The following FRYL variants were observed in gnomAD, a reference collection of about 807,000 sequenced individuals.
The protein encoded by FRYL is protein furry homolog-like.
In FRYL, 150 loss-of-function variants were observed where a neutral mutation model predicts 351.2. That is an observed-to-expected ratio of 0.43 (90% confidence interval 0.37 to 0.49). FRYL has a LOEUF of 0.49. Among genes scored for constraint, FRYL ranks in the 20% least tolerant of loss-of-function variants. The probability of loss-of-function intolerance (pLI) is 0.00; values close to 1 mark genes in which losing one functional copy is unlikely to be tolerated. For synonymous variants in FRYL, 1,153 were observed against 1,257.1 expected (o/e 0.92, Z 1.75); for missense variants, 3,036 against 3,619.3 (o/e 0.84, Z 4.13).
intron 8 of FRYL, 123 bp from the exon 9 acceptor site, chr4:48,609,190 G>T: frequency 1.6e-6 from 1 of 637,040 alleles, no homozygotes; most frequent in South Asian, 2.0e-5. Context: ...TCATTTATAT[G>T]ATAAAAGCAA....
chr4:48,702,273 T>A (rs1370582235), intron 2 of FRYL, among the ~76,000 whole-genome samples: 2 of 147,596 alleles, frequency 1.4e-5, no homozygotes, highest in South Asian at 4.3e-4. Flanking sequence ...CTGGCCAACA[T>A]GGTGAAACCC....
chr4:48,689,601 T>C (rs1323247079), intron 2 of FRYL, among the ~76,000 whole-genome samples: 1 of 152,152 alleles, frequency 6.6e-6, no homozygotes, highest in East Asian at 1.9e-4. Flanking sequence ...TCGACAAATA[T>C]TTATTAAGCA....
intron 26 of FRYL, chr4:48,571,795 C>G (rs1293845392): frequency 6.1e-6 from 6 of 980,752 alleles, no homozygotes; most frequent in Non-Finnish European, 7.3e-6. Context: ...TTTGGTTGGC[C>G]TGTTTTCATT....
intron 1 of FRYL, among the ~76,000 whole-genome samples, chr4:48,757,741 A>C (rs1441713004): frequency 2.6e-5 from 4 of 151,918 alleles, no homozygotes; most frequent in African/African-American, 9.7e-5. Context: ...AAAAAACTAA[A>C]GTTCATATGG....
chr4:48,724,370 C>A lies in FRYL; in HGVS notation c.-383-13672G>T, dbSNP rs144539570. 4.5e-4 allele frequency among the ~76,000 whole-genome samples: 69 copies of A among 152,242 alleles called. 1 individual carries two copies. In the East Asian group the frequency reaches 0.012, roughly 26 times the overall value. On this transcript the variant is annotated intron_variant, in intron 1 of 63. Transcript: ENST00000358350. ...CTTGCTAACCCCTCTGCCTGGAAAGCTTTTCCCCTGGGCATGGCTTGCTCC... is the reference window on the plus strand; with the variant it reads ...CTTGCTAACCCCTCTGCCTGGAAAGATTTTCCCCTGGGCATGGCTTGCTCC...
Position 48,535,708 on chromosome 4 carries a change from C to A in FRYL, c.6513G>T (p.Leu2171=). 6.2e-7 allele frequency: 1 copy of A among 1,606,600 alleles called. No homozygotes were observed. The highest frequency in any genetic ancestry group is 8.5e-7 in the Non-Finnish European group (1 of 1,176,324). Residue 2171 remains leucine (L), a synonymous_variant, in exon 48 of 64, where the codon CTG becomes CTT. Coordinates refer to ENST00000358350, the MANE Select transcript of FRYL (RefSeq NM_015030.2). ...SNWINVVCRY[L]HDSFSDTTFN... The stretch of plus-strand genomic sequence containing the variant: ...ATGTTGTATCTGAGAAGGAGTCATG[C>A]AGGTATCTGCACACGACATTGATCC...
intron 11 of FRYL, among the ~76,000 whole-genome samples, chr4:48,604,495 T>G (rs911758136): frequency 6.6e-6 from 1 of 152,108 alleles, no homozygotes; most frequent in South Asian, 2.1e-4. Flanking sequence ...AAGGGGAAAT[T>G]TGGACACAGA....
intron 1 of FRYL, among the ~76,000 whole-genome samples, chr4:48,728,911 G>A (rs1302322870): frequency 6.6e-6 from 1 of 152,228 alleles, no homozygotes; most frequent in Non-Finnish European, 1.5e-5. Flanking sequence ...CCGAAGCAGG[G>A]CAGGTCGTCA....
chr4:48,619,641 A>T (rs1750252042), intron 6 of FRYL, among the ~76,000 whole-genome samples: 1 of 152,064 alleles, frequency 6.6e-6, no homozygotes. Flanking sequence ...AAGTAGCTAG[A>T]CTACAGGCAA....
chr4:48,648,738 TAC>T (rs1757048154), intron 3 of FRYL, among the ~76,000 whole-genome samples: 1 of 152,198 alleles, frequency 6.6e-6, no homozygotes, highest in Non-Finnish European at 1.5e-5. Flanking sequence ...ACCTTGGAAA[TAC>T]AGTTAAATGT....
chr4:48,521,296 A>C, intron 54 of FRYL, 81 bp from the exon 55 acceptor site: 3 of 1,032,618 alleles, frequency 2.9e-6, no homozygotes, highest in Non-Finnish European at 4.2e-6. Context: ...AAAATATTTT[A>C]GGGGCTTCGT....
chr4:48,585,423 TG>T (rs1741903527), intron 19 of FRYL, among the ~76,000 whole-genome samples: 1 of 152,220 alleles, frequency 6.6e-6, no homozygotes, highest in Non-Finnish European at 1.5e-5. Context: ...AAAGGATTGC[TG>T]GAACAGTCTT....
intron 3 of FRYL, among the ~76,000 whole-genome samples, chr4:48,671,867 A>AAAAAC (rs1762782865): frequency 7.9e-6 from 1 of 126,930 alleles, no homozygotes; most frequent in Non-Finnish European, 1.7e-5. Flanking sequence ...ACAAAAAAAA[A>AAAAAC]AAAAACAAAA....
chr4:48,655,685 T>G (rs913599827), intron 3 of FRYL, among the ~76,000 whole-genome samples: 1 of 147,132 alleles, frequency 6.8e-6, no homozygotes, highest in Non-Finnish European at 1.5e-5. Flanking sequence ...TATTATATAA[T>G]GTATATATTA....
chr4:48,625,613 T>A (rs1164931675), intron 4 of FRYL, among the ~76,000 whole-genome samples: 1 of 152,196 alleles, frequency 6.6e-6, no homozygotes, highest in East Asian at 1.9e-4. Context: ...TGATTTAAAG[T>A]ATACAGGAGG....
intron 4 of FRYL, among the ~76,000 whole-genome samples, chr4:48,626,948 C>T (rs569672472): frequency 1.5e-4 from 23 of 152,188 alleles, no homozygotes; most frequent in African/African-American, 5.1e-4. Context: ...ATTTGGGGAA[C>T]GTCTTTAGTA....
chr4:48,607,518 AT>A (rs1231511740), intron 9 of FRYL, among the ~76,000 whole-genome samples: 1 of 152,098 alleles, frequency 6.6e-6, no homozygotes, highest in Admixed American at 6.6e-5. Context: ...GAATCCAAGG[AT>A]TTTTTCCTTT....
At chr4:48,673,294 T>C (rs1763012847) in intron 3 of FRYL, among the ~76,000 whole-genome samples, 1 of 152,242 alleles carries the variant, frequency 6.6e-6, no homozygotes, top group South Asian at 2.1e-4. Flanking sequence ...ATTAAAGTTT[T>C]TTCCTATTAA....
intron 13 of FRYL, among the ~76,000 whole-genome samples, chr4:48,596,314 C>CA (rs1744575981): frequency 6.6e-6 from 1 of 152,066 alleles, no homozygotes; most frequent in Admixed American, 6.6e-5. Flanking sequence ...ATGAACAGTT[C>CA]ACACTCCAAT....
Sources: gnomAD v4.1 joint callset for allele counts (sites outside exome capture counted in the v4.1 genomes callset) on GRCh38, gnomAD v4.1.1 for gene constraint, MANE v1.5 for transcripts, NCBI Gene and HGNC (gene_info 2026-07-23, HGNC 2026-07-21) for gene names.